The following KMT2A variants were observed in gnomAD, a reference collection of about 807,000 sequenced individuals.
The protein encoded by KMT2A is histone-lysine N-methyltransferase 2A.
In KMT2A, 16 loss-of-function variants were observed where a neutral mutation model predicts 345.3. That is an observed-to-expected ratio of 0.05 (90% confidence interval 0.03 to 0.07). KMT2A has a LOEUF of 0.07. Among genes scored for constraint, KMT2A ranks in the 10% least tolerant of loss-of-function variants. The probability of loss-of-function intolerance (pLI) is 1.00; values close to 1 mark genes in which losing one functional copy is unlikely to be tolerated. For missense variants in KMT2A, 3,272 were observed against 4,841.6 expected, an observed-to-expected ratio of 0.68 and a Z score of 9.62; for synonymous variants, 1,599 against 1,778.6, an observed-to-expected ratio of 0.90 and a Z score of 2.54.
intron 11 of KMT2A, among the ~76,000 whole-genome samples, chr11:118,489,302 G>A (rs1555041845): frequency 2.0e-5 from 3 of 149,246 alleles, no homozygotes; most frequent in African/African-American, 7.4e-5. Context: ...GCACCATTTT[G>A]TCTAGGGACT....
chr11:118,477,498 CTTTTTTTTTTTT>C lies in KMT2A; in HGVS notation c.3335-453_3335-442del, dbSNP rs11430367. 3.2e-3 allele frequency among the ~76,000 whole-genome samples: 181 copies of C among 56,952 alleles called. 10 individuals are homozygous for C. The South Asian group carries it at 0.12, about 37-fold the overall frequency. The allele number at this position is 56,952 out of a possible 152,430, so 37.4% of individuals were successfully genotyped here. On this transcript the variant is annotated intron_variant, in intron 4 of 35. Coordinates refer to ENST00000534358, the MANE Select transcript of KMT2A (RefSeq NM_001197104.2). ...CTTTCATCAAGATGCAAGTTATTGG[CTTTTTTTTTTTT>C]TTTTTTTTTTTTTTTGAGACGGAGC...
At chr11:118,450,648 G>A (rs1255607669) in intron 1 of KMT2A, 1 of 152,128 alleles carries the variant, frequency 6.6e-6, no homozygotes, top group Non-Finnish European at 1.5e-5. Flanking sequence ...ACCTTTTTGT[G>A]TTAACATTTC....
intron 1 of KMT2A, chr11:118,439,130 G>C: frequency 2.2e-6 from 1 of 446,958 alleles, no homozygotes; most frequent in Non-Finnish European, 4.4e-6. Context: ...AATGTGAGTT[G>C]ATTTTGCTTT....
rs1555035800 is a variant in KMT2A at position 118,472,257 on chromosome 11, G to T, written c.1098G>T (p.Arg366Ser). Reference protein sequence around the residue: ...KPVRIIPSSKRTDATIAKQLL... With the variant: ...KPVRIIPSSKSTDATIAKQLL... ...TTAGGATTATTCCTTCTTCAAAAAG[G>T]ACAGATGCAACCATTGCTAAGCAAC... is the stretch of plus-strand genomic sequence containing the variant. The change falls in exon 3 of 36, where the codon AGG becomes AGT. Residue 366 changes from arginine to serine, a missense_variant. Arg to Ser is a moderately radical substitution (Grantham distance 110). This residue lies in a region of KMT2A where 412 missense variants were observed against 511.0 expected (regional missense o/e 0.81). Transcript: ENST00000534358. The T allele has an allele frequency of 6.2e-7, 1 of 1,614,046 alleles. No homozygotes were observed. The highest frequency in any genetic ancestry group is 1.1e-5 in the South Asian group (1 of 91,072).
Position 118,484,089 on chromosome 11 carries a change from A to G in KMT2A, c.4087-94A>G. 1 of 1,181,470 alleles carries G rather than the reference A, an allele frequency of 8.5e-7. No individual in the cohort carries two copies. 73.2% of individuals were successfully genotyped at this position (1,181,470 alleles called of 1,614,324 possible). On this transcript the variant is annotated intron_variant, in intron 8 of 35. Transcript: ENST00000534358. The surrounding 1 kb of genome is among the most constrained non-coding windows in gnomAD (Gnocchi z 4.1). Reference sequence around the variant, plus strand: ...TGTTGGAAACATGTTTTTTAGATCTATTAATAAAATTTGTCATTTGCATTA... The same window carrying G: ...TGTTGGAAACATGTTTTTTAGATCTGTTAATAAAATTTGTCATTTGCATTA...
intron 11 of KMT2A, among the ~76,000 whole-genome samples, chr11:118,489,139 C>T (rs1165695107): frequency 7.0e-6 from 1 of 141,914 alleles, no homozygotes; most frequent in Non-Finnish European, 1.5e-5. Context: ...AGGAAAATCG[C>T]TTGAACTTTG....
Position 118,511,961 on chromosome 11 carries a change from G to A in KMT2A, c.11082G>A (p.Lys3694=). Residue 3694 remains lysine (K), a synonymous_variant, in exon 31 of 36, where the codon AAG becomes AAA. Coordinates refer to ENST00000534358, the MANE Select transcript of KMT2A (RefSeq NM_001197104.2). ...ICAESIEDAW[K]SLTDKVQEAR... ...TTTATTTCCTTTCAGATGCCTGGAA[G>A]TCATTGACAGATAAAGTCCAGGAAG... The A allele has an allele frequency of 6.2e-7, 1 of 1,614,080 alleles. No individual in the cohort carries two copies. The highest frequency in any genetic ancestry group is 8.5e-7 in the Non-Finnish European group (1 of 1,179,942).
At position 118,502,743 on chromosome 11, in the gene KMT2A, A is replaced by G; in HGVS notation, c.6851A>G (p.Asp2284Gly). The G allele has an allele frequency of 1.9e-6, 3 of 1,614,168 alleles. No homozygotes were observed. Among genetic ancestry groups the G allele is most frequent in the Non-Finnish European group, 2.5e-6 (3 of 1,180,040 alleles). The stretch of plus-strand genomic sequence containing the variant: ...GTAGGCAATAAAAACAGTCACTTGG[A>G]TGGATCTTCATCTTCAGAAATGAAG... ...VTVGNKNSHL[D>G]GSSSSEMKQS... The change falls in exon 27 of 36, where the codon GAT becomes GGT. Residue 2284 changes from aspartate (D) to glycine (G), a missense_variant. Transcript: ENST00000534358. The surrounding 1 kb of genome is among the most constrained non-coding windows in gnomAD (Gnocchi z 4.9).
intron 1 of KMT2A, among the ~76,000 whole-genome samples, chr11:118,439,924 A>C (rs1376395348): frequency 6.8e-6 from 1 of 147,492 alleles, no homozygotes; most frequent in Non-Finnish European, 1.5e-5. Context: ...AGAAGCAAGC[A>C]CTTTTTTTTT....
Position 118,487,261 on chromosome 11 carries a change from G to A in KMT2A, c.4333-1353G>A, listed in dbSNP as rs142437794. Among the ~76,000 whole-genome samples, 284 of 152,146 alleles carry A rather than the reference G, an allele frequency of 1.9e-3. 2 individuals carry two copies. Among genetic ancestry groups the A allele is most frequent in the African/African-American group, 6.6e-3 (274 of 41,514 alleles). On this transcript the variant is annotated intron_variant, in intron 10 of 35. Transcript: ENST00000534358. ...ATAGCACCAGTCCTTCAACTTCTGGGATTAAACAGATTTTTTTTCAGGGTA... is the reference window on the plus strand; with the variant it reads ...ATAGCACCAGTCCTTCAACTTCTGGAATTAAACAGATTTTTTTTCAGGGTA...
chr11:118,486,690 T>G (rs1217930587), intron 10 of KMT2A, among the ~76,000 whole-genome samples: 2 of 151,814 alleles, frequency 1.3e-5, no homozygotes, highest in Non-Finnish European at 2.9e-5. Context: ...CTGAGCACCA[T>G]AGTGAGACCT....
rs782653706 is a variant in KMT2A at position 118,436,742 on chromosome 11, G to A, written c.230G>A (p.Gly77Glu). Residue 77 changes from glycine to glutamate, a missense_variant, in exon 1 of 36, where the codon GGA becomes GAA. Gly to Glu is a moderately conservative substitution (Grantham distance 98). Coordinates refer to ENST00000534358, the MANE Select transcript of KMT2A (RefSeq NM_001197104.2). This position sits in a 1 kb window ranked among gnomAD's most constrained non-coding sequence, Gnocchi z 6.9. ...AGCAGCGGGGCTGGGGTTCCAGGGG[G>A]AGCGGCCGCCGCCTCAGCAGCCTCC... ...AGSSGAGVPG[G>E]AAAASAASSS... is the part of the protein sequence containing the mutation. The A allele has an allele frequency of 6.1e-5, 96 of 1,583,816 alleles. No individual in the cohort carries two copies. Among genetic ancestry groups the A allele is most frequent in the Non-Finnish European group, 8.1e-5 (95 of 1,165,898 alleles).
Position 118,474,074 on chromosome 11 carries a change from C to A in KMT2A, c.2915C>A (p.Thr972Asn), listed in dbSNP as rs782663858. 1.1e-5 allele frequency: 17 copies of A among 1,613,654 alleles called. No individual in the cohort carries two copies. The highest frequency in any genetic ancestry group is 1.7e-5 in the Admixed American group (1 of 59,878). Residue 972 changes from threonine (T) to asparagine (N), a missense_variant, in exon 3 of 36, where the codon ACC becomes AAC. Coordinates refer to ENST00000534358, the MANE Select transcript of KMT2A (RefSeq NM_001197104.2). ...IKKGRGNLEK[T>N]NLDLGPTAPS... ...AAAGGGAGAGGAAATCTGGAAAAAA[C>A]CAACTTGGACCTCGGCCCAACTGCC...
chr11:118,503,275 A>C lies in KMT2A; in HGVS notation c.7383A>C (p.Gly2461=), dbSNP rs1950530739. Residue 2461 remains glycine (G), a synonymous_variant, in exon 27 of 36, where the codon GGA becomes GGC. Coordinates refer to ENST00000534358, the MANE Select transcript of KMT2A (RefSeq NM_001197104.2). The surrounding 1 kb of genome is among the most constrained non-coding windows in gnomAD (Gnocchi z 5.3). ...GTCAGGTGACAACTGGTGAGGAAGG[A>C]AACTTGAAGCCAGAGTTTATGGATG... The part of the protein sequence containing the change: ...EPGQVTTGEE[G]NLKPEFMDEV... The C allele has an allele frequency of 6.2e-7, 1 of 1,614,072 alleles. No homozygotes were observed. Among genetic ancestry groups the C allele is most frequent in the Admixed American group, 1.7e-5 (1 of 59,998 alleles).
Position 118,525,765 on chromosome 11 carries a change from AT to A in KMT2A, c.*3605del, listed in dbSNP as rs1380502519. 8,763 of 189,980 alleles carry A rather than the reference AT, an allele frequency of 0.046. No individual in the cohort carries two copies. The highest frequency in any genetic ancestry group is 0.11 in the East Asian group (1,130 of 10,502). The allele number at this position is 189,980 out of a possible 1,614,324, so 11.8% of individuals were successfully genotyped here. Reference sequence around the variant, plus strand: ...TGTTAACTTCTAAGTTCGGTTTGGGATTTTTTTTTTTTAATAGAAATCAAGT... The same window carrying A: ...TGTTAACTTCTAAGTTCGGTTTGGGATTTTTTTTTTTAATAGAAATCAAGT... On this transcript the variant is annotated 3_prime_UTR_variant, in exon 36 of 36. Coordinates refer to ENST00000534358, the MANE Select transcript of KMT2A (RefSeq NM_001197104.2).
In KMT2A at chr11:118,504,334, C is replaced by G; in HGVS notation, c.8442C>G (p.His2814Gln). The change falls in exon 27 of 36, where the codon CAC becomes CAG. Residue 2814 changes from histidine (H) to glutamine (Q), a missense_variant. Around this residue, in one of 27 missense-constraint regions of KMT2A, gnomAD observed 100 missense variants for 101.3 expected, o/e 0.99. Transcript: ENST00000534358. This position sits in a 1 kb window ranked among gnomAD's most constrained non-coding sequence, Gnocchi z 6.4. ...CATTGGAGTCAAGCCGCAGAGTCCA[C>G]ACAAGTACCCCCTCCGACAAAAATT... is the stretch of plus-strand genomic sequence containing the variant. ...LSSLESSRRV[H>Q]TSTPSDKNLL... 1 of 1,614,182 alleles carries G rather than the reference C, an allele frequency of 6.2e-7. No homozygotes were observed. Among genetic ancestry groups the G allele is most frequent in the Non-Finnish European group, 8.5e-7 (1 of 1,180,034 alleles).
rs545209935 is a variant in KMT2A at position 118,468,660 on chromosome 11, A to C, written c.433-115A>C. 5 of 739,220 alleles carry C rather than the reference A, an allele frequency of 6.8e-6. No individual in the cohort carries two copies. In the East Asian group the frequency reaches 1.3e-4, roughly 19 times the overall value. The allele number at this position is 739,220 out of a possible 1,614,324, so 45.8% of individuals were successfully genotyped here. On this transcript the variant is annotated intron_variant, in intron 1 of 35. Transcript: ENST00000534358. ...AGTATCCATTGGAATGATGATAATT[A>C]ATATATAAAGGCAACTTTTCCAAAT... is the stretch of plus-strand genomic sequence containing the variant.
chr11:118,491,434 AT>A lies in KMT2A; in HGVS notation c.4819+122del. On this transcript the variant is annotated intron_variant, in intron 14 of 35. Coordinates refer to ENST00000534358, the MANE Select transcript of KMT2A (RefSeq NM_001197104.2). This position sits in a 1 kb window ranked among gnomAD's most constrained non-coding sequence, Gnocchi z 4.2. ...GTTGTTATTTGAAATCTCTAAATTT[AT>A]TTTTTAGTCTCTAGAATAAGCAGCA... 9.8e-7 allele frequency: 1 copy of A among 1,021,904 alleles called. No homozygotes were observed. The highest frequency in any genetic ancestry group is 1.4e-6 in the Non-Finnish European group (1 of 716,210). 63.3% of individuals were successfully genotyped at this position (1,021,904 alleles called of 1,614,324 possible). A position where few individuals can be genotyped will look rare whatever the true frequency, so the allele number is the denominator to read the frequency against.
chr11:118,462,719 C>T (rs1555033069), intron 1 of KMT2A, among the ~76,000 whole-genome samples: 1 of 152,096 alleles, frequency 6.6e-6, no homozygotes, highest in Non-Finnish European at 1.5e-5. Context: ...CCATCACGCC[C>T]GGCTAATTTT....
Sources: gnomAD v4.1 joint callset for allele counts (sites outside exome capture counted in the v4.1 genomes callset) on GRCh38, gnomAD v4.1.1 for gene constraint, gnomAD v4.1.1 regional missense constraint, Gnocchi (gnomAD v3.1) non-coding constraint, MANE v1.5 for transcripts, NCBI Gene and HGNC (gene_info 2026-07-23, HGNC 2026-07-21) for gene names.